INPP5D: variants seen among roughly 807,000 people sequenced by gnomAD.
INPP5D encodes the protein inositol polyphosphate-5-phosphatase D, also known as phosphatidylinositol 3,4,5-trisphosphate 5-phosphatase 1.
INPP5D carries 33 observed loss-of-function variants against 122.9 expected under a neutral mutation model. That is an observed-to-expected ratio of 0.27 (90% confidence interval 0.20 to 0.36). INPP5D has a LOEUF of 0.36. Ranked by LOEUF, INPP5D falls within the 10% of genes least tolerant of loss-of-function variation. The pLI is 1.00. For missense variants in INPP5D, 1,053 were observed against 1,412.7 expected (o/e 0.75, Z 4.08); for synonymous variants, 584 against 576.2 (o/e 1.01, Z -0.19).
chr2:233,145,844 G>A (rs1427874591), intron 6 of INPP5D: 2 of 515,164 alleles, frequency 3.9e-6, no homozygotes, highest in Non-Finnish European at 3.7e-6. Flanking sequence ...CATGCAGCAG[G>A]TGTAGGAGGG....
At chr2:233,087,150 T>C (rs901339435) in intron 2 of INPP5D, among the ~76,000 whole-genome samples, 11 of 152,074 alleles carry the variant, frequency 7.2e-5, no homozygotes, top group African/African-American at 2.7e-4. Context: ...GTCTGTCAGA[T>C]TTGCAAGAGG....
chr2:233,133,930 C>A (rs1324387234), intron 5 of INPP5D: 2 of 455,406 alleles, frequency 4.4e-6, no homozygotes, highest in Non-Finnish European at 8.8e-6. Context: ...CAGGCTCTGG[C>A]ACATGCGGCT....
At position 233,201,334 on chromosome 2, in the gene INPP5D, C is replaced by T. The variant is rs57365147; in HGVS notation, c.2976-2792C>T. Among the ~76,000 whole-genome samples, 627 of 152,312 alleles carry T rather than the reference C, an allele frequency of 4.1e-3. 17 individuals are homozygous for T. In the East Asian group the frequency reaches 0.058, roughly 14 times the overall value. ...AGTGAATGCTTTTCAGCTCCCAAAG[C>T]GAATGGATCTTGGTGCATAACAACG... is the stretch of plus-strand genomic sequence containing the variant. On this transcript the variant is annotated intron_variant, in intron 25 of 26. Coordinates refer to ENST00000445964, the MANE Select transcript of INPP5D (RefSeq NM_001017915.3).
chr2:233,143,129 A>G (rs1693664226), intron 6 of INPP5D, among the ~76,000 whole-genome samples: 2 of 152,172 alleles, frequency 1.3e-5, no homozygotes, highest in Non-Finnish European at 2.9e-5. Context: ...AAAAATCAAG[A>G]CATGTGAGGA....
intron 22 of INPP5D, 129 bp from the exon 23 acceptor site, chr2:233,193,683 C>A: frequency 6.7e-7 from 1 of 1,498,212 alleles, no homozygotes. Flanking sequence ...TGGTGTTGTT[C>A]TGACGGATTT....
chr2:233,084,701 G>A (rs1014008996), intron 2 of INPP5D, among the ~76,000 whole-genome samples: 4 of 152,220 alleles, frequency 2.6e-5, no homozygotes, highest in African/African-American at 4.8e-5. Flanking sequence ...TAAAGATTCC[G>A]TCTGAGCCGC....
rs1255818162 is a variant in INPP5D at position 233,105,823 on chromosome 2, G to A, written c.199-16284G>A. Reference sequence around the variant, plus strand: ...GTGCCAGGGAGAGAGTGGCTCTGGGGGGCCACAGTGGGGTTCTGGCTTGTT... The same window carrying A: ...GTGCCAGGGAGAGAGTGGCTCTGGGAGGCCACAGTGGGGTTCTGGCTTGTT... On this transcript the variant is annotated intron_variant, in intron 2 of 26. Transcript: ENST00000445964. This position sits in a 1 kb window ranked among gnomAD's most constrained non-coding sequence, Gnocchi z 4.0. Among the ~76,000 whole-genome samples, 5 of 152,262 alleles carry A rather than the reference G, an allele frequency of 3.3e-5. No homozygotes were observed. The South Asian group carries it at 1.0e-3, about 32-fold the overall frequency.
At position 233,197,643 on chromosome 2, in the gene INPP5D, GCTTAT is replaced by G. The variant is rs1695218242; in HGVS notation, c.2694-448_2694-444del. The stretch of plus-strand genomic sequence containing the variant: ...GTCTCCCCTTCTTTCTCTCTTATCT[GCTTAT>G]CTTCTTATCTCAGATGAAAGACCAC... On this transcript the variant is annotated intron_variant, in intron 24 of 26. Coordinates refer to ENST00000445964, the MANE Select transcript of INPP5D (RefSeq NM_001017915.3). The surrounding 1 kb of genome is among the most constrained non-coding windows in gnomAD (Gnocchi z 4.4). Among the ~76,000 whole-genome samples, 1 of 152,130 alleles carries G rather than the reference GCTTAT, an allele frequency of 6.6e-6. No individual in the cohort carries two copies. Among genetic ancestry groups the G allele is most frequent in the Non-Finnish European group, 1.5e-5 (1 of 68,020 alleles).
intron 9 of INPP5D, among the ~76,000 whole-genome samples, chr2:233,148,826 C>T (rs1038425031): frequency 6.6e-6 from 1 of 152,044 alleles, no homozygotes; most frequent in East Asian, 1.9e-4. Flanking sequence ...CACTATGAAG[C>T]CCCCCAAGTC....
At chr2:233,157,399 G>T (rs1489678950) in intron 9 of INPP5D, among the ~76,000 whole-genome samples, 2 of 151,412 alleles carry the variant, frequency 1.3e-5, no homozygotes, top group African/African-American at 4.9e-5. Flanking sequence ...ACATGGAAAA[G>T]AGAGTTATAA....
chr2:233,060,466 G>GC lies in INPP5D; in HGVS notation c.-10dup. On this transcript the variant is annotated 5_prime_UTR_variant, in exon 1 of 27. Transcript: ENST00000445964. ...GGTGCCTGCCGGCCCGGCCGAGGAG[G>GC]CCCACGCCCACCATGGTCCCCTGCT... 6.3e-7 allele frequency: 1 copy of GC among 1,594,810 alleles called. No individual in the cohort carries two copies. Among genetic ancestry groups the GC allele is most frequent in the East Asian group, 2.3e-5 (1 of 44,014 alleles).
chr2:233,132,315 T>G (rs1045566362), intron 5 of INPP5D, among the ~76,000 whole-genome samples: 1 of 152,230 alleles, frequency 6.6e-6, no homozygotes, highest in African/African-American at 2.4e-5. Flanking sequence ...CCCAGACACT[T>G]CTGCACATTG....
intron 18 of INPP5D, among the ~76,000 whole-genome samples, chr2:233,181,671 A>G (rs1271893665): frequency 6.6e-6 from 1 of 152,098 alleles, no homozygotes; most frequent in Non-Finnish European, 1.5e-5. Context: ...AGAGTTTTCT[A>G]CACTTAGCGT....
At chr2:233,145,218 T>C (rs1415581853) in intron 6 of INPP5D, 4 of 456,086 alleles carry the variant, frequency 8.8e-6, no homozygotes, top group Non-Finnish European at 1.8e-5. Context: ...TGAGACCATG[T>C]ACTTGGCATC....
chr2:233,073,722 ATT>A (rs1691443336), intron 1 of INPP5D, among the ~76,000 whole-genome samples: 1 of 143,572 alleles, frequency 7.0e-6, no homozygotes, highest in Non-Finnish European at 1.5e-5. Context: ...CAGCTTCTGT[ATT>A]TCTCTTCTTC....
chr2:233,073,688 C>G (rs1691442666), intron 1 of INPP5D, among the ~76,000 whole-genome samples: 1 of 151,368 alleles, frequency 6.6e-6, no homozygotes, highest in African/African-American at 2.4e-5. Context: ...TCAGGAAGCC[C>G]TGTTGCATCT....
intron 5 of INPP5D, among the ~76,000 whole-genome samples, chr2:233,137,602 C>T (rs1473459683): frequency 2.0e-5 from 3 of 150,372 alleles, no homozygotes; most frequent in African/African-American, 7.3e-5. Context: ...ATTACAGGTG[C>T]CCACCACTAT....
At chr2:233,130,402 G>A in intron 4 of INPP5D, 106 bp from the exon 5 acceptor site, 6 of 1,250,066 alleles carry the variant, frequency 4.8e-6, no homozygotes, top group Non-Finnish European at 6.7e-6. Context: ...GTGTCCCCTT[G>A]GAGGCTCTGA....
intron 2 of INPP5D, among the ~76,000 whole-genome samples, chr2:233,110,643 C>A (rs569211067): frequency 2.6e-5 from 4 of 152,046 alleles, no homozygotes; most frequent in Non-Finnish European, 4.4e-5. Context: ...TTATTTAGGC[C>A]GGGTGCAGTG....
Sources: allele counts gnomAD v4.1 joint callset (sites outside exome capture counted in the v4.1 genomes callset), GRCh38; gene constraint gnomAD v4.1.1; non-coding constraint Gnocchi (gnomAD v3.1); transcripts MANE v1.5; gene names NCBI Gene and HGNC (gene_info 2026-07-23, HGNC 2026-07-21).